Variants in OPA1 observed in about 807,000 individuals in gnomAD.
OPA1 encodes the protein OPA1 mitochondrial dynamin like GTPase.
Under a neutral mutation model 152.9 loss-of-function variants are expected in OPA1, and 59 were observed. The ratio of observed to expected loss-of-function variants is 0.39; its 90% CI spans 0.31 to 0.48. The LOEUF (loss-of-function observed/expected upper bound fraction) is 0.48, where lower values mean the gene tolerates loss of function less well. OPA1 is among the 20% of genes least tolerant of loss of function. The probability of loss-of-function intolerance (pLI) is 0.96; values close to 1 mark genes in which losing one functional copy is unlikely to be tolerated. For missense variants in OPA1, 1,008 were observed against 1,216.8 expected, an observed-to-expected ratio of 0.83 and a Z score of 2.55; for synonymous variants, 400 against 389.9, an observed-to-expected ratio of 1.03 and a Z score of -0.31.
chr3:193,630,532 T>A (rs903263945), intron 7 of OPA1, among the ~76,000 whole-genome samples: 1 of 152,192 alleles, frequency 6.6e-6, no homozygotes. Context: ...AATAAGCAAA[T>A]CATTTAAAAA....
chr3:193,598,963 A>C (rs1293354970), intron 1 of OPA1, among the ~76,000 whole-genome samples: 1 of 152,156 alleles, frequency 6.6e-6, no homozygotes, highest in Admixed American at 6.5e-5. Context: ...CCTCTCTGTA[A>C]GTGATAACAT....
At chr3:193,662,716 G>A (rs1715583216) in intron 25 of OPA1, 106 bp from the exon 26 acceptor site, 1 of 895,866 alleles carries the variant, frequency 1.1e-6, no homozygotes, top group African/African-American at 1.7e-5. Context: ...GATTAAGCTT[G>A]TGTTATCTTT....
intron 29 of OPA1, among the ~76,000 whole-genome samples, chr3:193,672,784 G>T (rs1006159686): frequency 6.6e-6 from 1 of 150,736 alleles, no homozygotes; most frequent in Non-Finnish European, 1.5e-5. Flanking sequence ...CAGGAGAATC[G>T]CCTGAACCCG....
At chr3:193,658,667 G>A (rs1373571723) in intron 23 of OPA1, among the ~76,000 whole-genome samples, 1 of 152,056 alleles carries the variant, frequency 6.6e-6, no homozygotes, top group Non-Finnish European at 1.5e-5. Context: ...GTTTAATTTG[G>A]GCCAGGAGAG....
In OPA1 at chr3:193,593,409, G is replaced by A. The variant is rs1341753623; in HGVS notation, c.32G>A (p.Cys11Tyr). ...CGACTACGTCGGGCCGCTGTGGCCT[G>A]GTAAGTGCAGGCTCTAATCTGGCCC... MWRLRRAAVACEVCQSLVKHS... is the reference protein window; with the variant it reads MWRLRRAAVAYEVCQSLVKHS... Residue 11 changes from cysteine (C) to tyrosine (Y), a missense_variant and splice_region_variant, in exon 1 of 31, where the codon TGT (cysteine) becomes TAT (tyrosine). By Grantham distance (194) the Cys-to-Tyr change is radical. Around this residue, in one of 7 missense-constraint regions of OPA1, gnomAD observed 408 missense variants for 395.1 expected, o/e 1.03. Transcript: ENST00000361510. 2 of 1,547,374 alleles carry A rather than the reference G, an allele frequency of 1.3e-6. No homozygotes were observed. Among genetic ancestry groups the A allele is most frequent in the Non-Finnish European group, 1.7e-6 (2 of 1,144,820 alleles).
At chr3:193,637,505 A>G (rs1733137872) in intron 10 of OPA1, among the ~76,000 whole-genome samples, 1 of 152,010 alleles carries the variant, frequency 6.6e-6, no homozygotes, top group South Asian at 2.1e-4. Context: ...CATTATATTT[A>G]TGAGTTACTG....
intron 29 of OPA1, among the ~76,000 whole-genome samples, chr3:193,683,973 C>T (rs530054571): frequency 1.3e-5 from 2 of 152,280 alleles, no homozygotes; most frequent in East Asian, 1.9e-4. Context: ...ATTTAGCCCT[C>T]AGTTTCCTGG....
chr3:193,625,982 TTTAAG>T, intron 6 of OPA1, 105 bp from the exon 7 acceptor site: 1 of 840,674 alleles, frequency 1.2e-6, no homozygotes, highest in Non-Finnish European at 2.1e-6. Flanking sequence ...CCATTTCTGT[TTTAAG>T]TTAACCATCC....
At chr3:193,653,626 CT>C in intron 21 of OPA1, among the ~76,000 whole-genome samples, 1 of 152,116 alleles carries the variant, frequency 6.6e-6, no homozygotes, top group East Asian at 1.9e-4. Context: ...GATTATGCAT[CT>C]TTTACATTGT....
At chr3:193,652,532 T>G (rs982925430) in intron 21 of OPA1, among the ~76,000 whole-genome samples, 2 of 152,126 alleles carry the variant, frequency 1.3e-5, no homozygotes, top group African/African-American at 4.8e-5. Flanking sequence ...AACTGATGGT[T>G]CAGAAGAGAG....
chr3:193,631,895 C>T (rs1308834612), intron 8 of OPA1: 1 of 575,142 alleles, frequency 1.7e-6, no homozygotes, highest in African/African-American at 1.9e-5. Context: ...TTGAGTGAAT[C>T]TTATGCCCAA....
intron 21 of OPA1, 72 bp downstream of exon 21, chr3:193,648,943 G>T (rs1381958721): frequency 9.4e-7 from 1 of 1,063,394 alleles, no homozygotes; most frequent in East Asian, 2.4e-5. Flanking sequence ...CTAAAACTTA[G>T]ATTGATAAAG....
chr3:193,653,914 G>A (rs894074448), intron 21 of OPA1, among the ~76,000 whole-genome samples: 4 of 152,118 alleles, frequency 2.6e-5, no homozygotes, highest in Non-Finnish European at 2.9e-5. Flanking sequence ...CCAAGTGTTG[G>A]CAAGGATGTA....
rs1173192406 is a variant in OPA1 at position 193,695,397 on chromosome 3, A to T, written c.*797A>T. On this transcript the variant is annotated 3_prime_UTR_variant, in exon 31 of 31. Transcript: ENST00000361510. ...GTTGACAGAGCCACCGGATTATGAC[A>T]CAGGATGAGGAAGATTAAGGATAAT... 2.6e-5 allele frequency: 4 copies of T among 152,226 alleles called. No homozygotes were observed. Among genetic ancestry groups the T allele is most frequent in the African/African-American group, 9.6e-5 (4 of 41,464 alleles). 9.4% of individuals were successfully genotyped at this position (152,226 alleles called of 1,614,324 possible).
Position 193,617,768 on chromosome 3 carries a change from T to C in OPA1, c.557-16T>C. 1 of 1,595,740 alleles carries C rather than the reference T, an allele frequency of 6.3e-7. No homozygotes were observed. The highest frequency in any genetic ancestry group is 2.2e-5 in the East Asian group (1 of 44,674). On this transcript the variant is annotated splice_polypyrimidine_tract_variant and intron_variant, in intron 4 of 30. Transcript: ENST00000361510. ...AATTTTACATTTCTATTTCCCCTTT[T>C]GCTGATTTTTCACAGGTCACAAATT...
intron 25 of OPA1, among the ~76,000 whole-genome samples, chr3:193,661,602 A>G (rs1333557787): frequency 6.6e-6 from 1 of 152,204 alleles, no homozygotes; most frequent in Non-Finnish European, 1.5e-5. Context: ...CATTCTCTGA[A>G]AAGTATTTTG....
At chr3:193,676,796 C>G (rs943349721) in intron 29 of OPA1, among the ~76,000 whole-genome samples, 2 of 151,946 alleles carry the variant, frequency 1.3e-5, no homozygotes, top group African/African-American at 4.8e-5. Flanking sequence ...CTGGCTAACA[C>G]AGTGAAACCC....
intron 29 of OPA1, among the ~76,000 whole-genome samples, chr3:193,686,351 T>G (rs1414773488): frequency 8.2e-6 from 1 of 122,178 alleles, no homozygotes. Flanking sequence ...ACGTGTGAAT[T>G]GATGCCTCCT....
rs112419021 is a variant in OPA1, at chr3:193,650,810, A to G, written c.2012+1939A>G. Among the ~76,000 whole-genome samples, 5 of 152,302 alleles carry G rather than the reference A, an allele frequency of 3.3e-5. 1 individual carries two copies. Among genetic ancestry groups the G allele is most frequent in the African/African-American group, 9.6e-5 (4 of 41,564 alleles). On this transcript the variant is annotated intron_variant, in intron 21 of 30. Coordinates refer to ENST00000361510, the MANE Select transcript of OPA1 (RefSeq NM_130837.3). ...CTGACATTCAGAAGGAGATATTGATATATCATTAACATCATGTGACCAGCA... is the reference window on the plus strand; with the variant it reads ...CTGACATTCAGAAGGAGATATTGATGTATCATTAACATCATGTGACCAGCA...
Sources: gnomAD v4.1 joint callset for allele counts (sites outside exome capture counted in the v4.1 genomes callset) on GRCh38, gnomAD v4.1.1 for gene constraint, gnomAD v4.1.1 regional missense constraint, MANE v1.5 for transcripts, NCBI Gene and HGNC (gene_info 2026-07-23, HGNC 2026-07-21) for gene names.